The following LRRC14 variants were observed in gnomAD, a reference collection of about 807,000 sequenced individuals.
LRRC14 encodes the protein leucine-rich repeat-containing protein 14.
Under a neutral mutation model 25.3 loss-of-function variants are expected in LRRC14, and 16 were observed. The observed-to-expected ratio is 0.63, with a 90% CI of 0.43 to 0.96. LRRC14 has a LOEUF of 0.96. LRRC14 is among the 40% of genes least tolerant of loss of function. The pLI, the probability that LRRC14 is intolerant of heterozygous loss-of-function variation, is 0.00. For synonymous variants in LRRC14, 359 were observed against 295.1 expected (o/e 1.22, Z -2.22); for missense variants, 594 against 660.5 (o/e 0.90, Z 1.10).
Position 144,524,797 on chromosome 8 carries a change from A to G in LRRC14, c.*3319A>G. ...CCCTGGGGGCACCCCGTCCTCCCGC[A>G]GCTCCACACGGTGCCCACCTGCGTC... On this transcript the variant is annotated 3_prime_UTR_variant, in exon 4 of 4. Coordinates refer to ENST00000292524, the MANE Select transcript of LRRC14 (RefSeq NM_014665.4). The G allele has an allele frequency of 2.8e-6, 4 of 1,441,078 alleles. No individual in the cohort carries two copies. The highest frequency in any genetic ancestry group is 1.5e-5 in the African/African-American group (1 of 68,048). The allele number at this position is 1,441,078 out of a possible 1,614,324, so 89.3% of individuals were successfully genotyped here.
chr8:144,524,609 C>A lies in LRRC14; in HGVS notation c.*3131C>A, dbSNP rs760858349. 3.3e-6 allele frequency: 5 copies of A among 1,525,212 alleles called. No homozygotes were observed. In the African/African-American group the frequency reaches 7.0e-5, roughly 21 times the overall value. 94.5% of individuals were successfully genotyped at this position (1,525,212 alleles called of 1,614,324 possible). A position where few individuals can be genotyped will look rare whatever the true frequency, so the allele number is the denominator to read the frequency against. On this transcript the variant is annotated 3_prime_UTR_variant, in exon 4 of 4. Transcript: ENST00000292524. ...GCGGCTGCGCGCGGAAGGCGCCGGCCTCCAGGGCGCGCAGGCTGTTGTTGT... is the reference window on the plus strand; with the variant it reads ...GCGGCTGCGCGCGGAAGGCGCCGGCATCCAGGGCGCGCAGGCTGTTGTTGT...
chr8:144,519,809 C>T lies in LRRC14; in HGVS notation c.84C>T (p.Arg28=), dbSNP rs548634750. 5.3e-5 allele frequency: 86 copies of T among 1,613,274 alleles called. No individual in the cohort carries two copies. The highest frequency in any genetic ancestry group is 6.6e-5 in the Non-Finnish European group (78 of 1,179,952). The change falls in exon 2 of 4, where the codon CGC becomes CGT. Residue 28 remains arginine (R), a synonymous_variant. Coordinates refer to ENST00000292524, the MANE Select transcript of LRRC14 (RefSeq NM_014665.4). ...AACQALPLLP[R]ELFPLLFKVA... is the part of the protein sequence containing the mutation. The stretch of plus-strand genomic sequence containing the variant: ...GCCAGGCCCTGCCCTTGCTGCCACG[C>T]GAACTCTTCCCCCTGCTGTTCAAGG...
chr8:144,524,850 C>A lies in LRRC14; in HGVS notation c.*3372C>A. 6.7e-7 allele frequency: 1 copy of A among 1,487,826 alleles called. No individual in the cohort carries two copies. The highest frequency in any genetic ancestry group is 2.3e-4 in the Middle Eastern group (1 of 4,396). 92.2% of individuals were successfully genotyped at this position (1,487,826 alleles called of 1,614,324 possible). On this transcript the variant is annotated 3_prime_UTR_variant, in exon 4 of 4. Coordinates refer to ENST00000292524, the MANE Select transcript of LRRC14 (RefSeq NM_014665.4). ...TGGCGGGATTCCCAGCGGGACGACG[C>A]GCAACCGCAGGGCGCCACACTCCAC... is the stretch of plus-strand genomic sequence containing the variant.
At position 144,522,747 on chromosome 8, in the gene LRRC14, T is replaced by G; in HGVS notation, c.*1269T>G. ...CGCCTGCGGCGCCGGCGACAGATCATGGCGACCAGGAGCAGCGCCGTGAGC... is the reference window on the plus strand; with the variant it reads ...CGCCTGCGGCGCCGGCGACAGATCAGGGCGACCAGGAGCAGCGCCGTGAGC... On this transcript the variant is annotated 3_prime_UTR_variant, in exon 4 of 4. Coordinates refer to ENST00000292524, the MANE Select transcript of LRRC14 (RefSeq NM_014665.4). 6.3e-7 allele frequency: 1 copy of G among 1,587,418 alleles called. No individual in the cohort carries two copies.
Position 144,522,997 on chromosome 8 carries a change from G to A in LRRC14, c.*1519G>A. Reference sequence around the variant, plus strand: ...TGGAGGCCTCGCACTCGTACTTACCGGCGTGCGCCAGCGTGATGTTGCTGA... The same window carrying A: ...TGGAGGCCTCGCACTCGTACTTACCAGCGTGCGCCAGCGTGATGTTGCTGA... On this transcript the variant is annotated 3_prime_UTR_variant, in exon 4 of 4. Transcript: ENST00000292524. The A allele has an allele frequency of 6.3e-7, 1 of 1,595,832 alleles. No individual in the cohort carries two copies.
At chr8:144,520,203 C>T in intron 2 of LRRC14, 35 bp from the exon 3 acceptor site, 5 of 1,595,362 alleles carry the variant, frequency 3.1e-6, no homozygotes, top group Non-Finnish European at 4.3e-6. Context: ...GGGCGCTGCC[C>T]CTCCACCCCT....
chr8:144,523,844 C>A lies in LRRC14; in HGVS notation c.*2366C>A, dbSNP rs768445170. 27 of 489,362 alleles carry A rather than the reference C, an allele frequency of 5.5e-5. No individual in the cohort carries two copies. Among genetic ancestry groups the A allele is most frequent in the Non-Finnish European group, 9.4e-5 (26 of 277,836 alleles). 30.3% of individuals were successfully genotyped at this position (489,362 alleles called of 1,614,324 possible). ...CTCTCTCCTTTGCAATTTTGTCTGCCTCCCCTCAGCCTAAAAGTGTGCAGA... is the reference window on the plus strand; with the variant it reads ...CTCTCTCCTTTGCAATTTTGTCTGCATCCCCTCAGCCTAAAAGTGTGCAGA... On this transcript the variant is annotated 3_prime_UTR_variant, in exon 4 of 4. Transcript: ENST00000292524.
At position 144,520,440 on chromosome 8, in the gene LRRC14, T is replaced by A. The variant is rs1376929857; in HGVS notation, c.532T>A (p.Tyr178Asn). 2 of 1,598,858 alleles carry A rather than the reference T, an allele frequency of 1.3e-6. No homozygotes were observed. The highest frequency in any genetic ancestry group is 1.7e-6 in the Non-Finnish European group (2 of 1,175,474). Reference protein sequence around the residue: ...RVDLRVNRASYAFLREALRSS... With the variant: ...RVDLRVNRASNAFLREALRSS... ...GGACCTGCGGGTGAACCGGGCCTCC[T>A]ATGCGTTCCTGCGGGAGGCACTCCG... The change falls in exon 3 of 4, where the codon TAT becomes AAT. Residue 178 changes from tyrosine to asparagine, a missense_variant. Tyr to Asn is a moderately radical substitution (Grantham distance 143, BLOSUM62 -2). Coordinates refer to ENST00000292524, the MANE Select transcript of LRRC14 (RefSeq NM_014665.4).
chr8:144,520,988 G>T lies in LRRC14; in HGVS notation c.992G>T (p.Arg331Leu). The change falls in exon 4 of 4, where the codon CGG (arginine) becomes CTG (leucine). Residue 331 changes from arginine (R) to leucine (L), a missense_variant. Arg to Leu is a moderately radical substitution (Grantham distance 102). Transcript: ENST00000292524. The stretch of plus-strand genomic sequence containing the variant: ...CCTGAGGACCTACGCTTCCTGGCAC[G>T]GAGCCCACATGCTGCCCACCTCAAG... ...LLPEDLRFLA[R>L]SPHAAHLKKL... 1 of 1,613,148 alleles carries T rather than the reference G, an allele frequency of 6.2e-7. No individual in the cohort carries two copies. The highest frequency in any genetic ancestry group is 8.5e-7 in the Non-Finnish European group (1 of 1,180,040).
At chr8:144,518,428 A>T (rs933048963) in intron 1 of LRRC14, 12 of 151,662 alleles carry the variant, frequency 7.9e-5, no homozygotes, top group African/African-American at 2.7e-4. Flanking sequence ...GCGGGAGGGG[A>T]GGGGGCGTCG....
At position 144,522,646 on chromosome 8, in the gene LRRC14, T is replaced by A; in HGVS notation, c.*1168T>A. ...GCTCGTCGCGGAGCTCCTCTAGCTGTGCGAACGTACAGGGGCCGTCCAAGT... is the reference window on the plus strand; with the variant it reads ...GCTCGTCGCGGAGCTCCTCTAGCTGAGCGAACGTACAGGGGCCGTCCAAGT... On this transcript the variant is annotated 3_prime_UTR_variant, in exon 4 of 4. Coordinates refer to ENST00000292524, the MANE Select transcript of LRRC14 (RefSeq NM_014665.4). 3 of 1,586,152 alleles carry A rather than the reference T, an allele frequency of 1.9e-6. No individual in the cohort carries two copies. Among genetic ancestry groups the A allele is most frequent in the Non-Finnish European group, 2.6e-6 (3 of 1,168,248 alleles).
In LRRC14 at chr8:144,523,589, A is replaced by C. The variant is rs1586855057; in HGVS notation, c.*2111A>C. On this transcript the variant is annotated 3_prime_UTR_variant, in exon 4 of 4. Transcript: ENST00000292524. The stretch of plus-strand genomic sequence containing the variant: ...AGCTCCTTGGGGCGGCAGGCCCTTC[A>C]CCCTCGCCCCCCTCCCCTTTAGCTC... 4.2e-6 allele frequency: 4 copies of C among 944,422 alleles called. No individual in the cohort carries two copies. The highest frequency in any genetic ancestry group is 4.3e-6 in the Non-Finnish European group (3 of 698,890). The allele number at this position is 944,422 out of a possible 1,614,324, so 58.5% of individuals were successfully genotyped here.
At position 144,522,725 on chromosome 8, in the gene LRRC14, C is replaced by A; in HGVS notation, c.*1247C>A. The A allele has an allele frequency of 1.9e-6, 3 of 1,593,946 alleles. No individual in the cohort carries two copies. Among genetic ancestry groups the A allele is most frequent in the East Asian group, 2.3e-5 (1 of 43,450 alleles). On this transcript the variant is annotated 3_prime_UTR_variant, in exon 4 of 4. Coordinates refer to ENST00000292524, the MANE Select transcript of LRRC14 (RefSeq NM_014665.4). ...CGGAGGCCCCCGCGCCTTTTTTCGC[C>A]TGCGGCGCCGGCGACAGATCATGGC...
Position 144,518,028 on chromosome 8 carries a change from C to G in LRRC14, c.-125C>G. 6.3e-6 allele frequency: 1 copy of G among 158,392 alleles called. No individual in the cohort carries two copies. The highest frequency in any genetic ancestry group is 1.4e-5 in the Non-Finnish European group (1 of 73,746). The allele number at this position is 158,392 out of a possible 1,614,324, so 9.8% of individuals were successfully genotyped here. On this transcript the variant is annotated 5_prime_UTR_variant, in exon 1 of 4. Transcript: ENST00000292524. The stretch of plus-strand genomic sequence containing the variant: ...TAGGCGGGGCTGGAGGCGGTGGCTG[C>G]GGTTGCGGGACCGGTGAGCGCGGGC...
At chr8:144,518,384 A>C (rs1487106016) in intron 1 of LRRC14, 1 of 152,184 alleles carries the variant, frequency 6.6e-6, no homozygotes, top group East Asian at 1.9e-4. Flanking sequence ...CGCGAAACGC[A>C]GGCGACCGAG....
At position 144,520,268 on chromosome 8, in the gene LRRC14, G is replaced by A. The variant is rs770166894; in HGVS notation, c.360G>A (p.Thr120=). ...ATGCGCTGCGGGTGCTGGACATGAC[G>A]GGCCTCTTGGATGATGGTGTGGAAC... is the stretch of plus-strand genomic sequence containing the variant. ...RKHALRVLDM[T]GLLDDGVEQD... The change falls in exon 3 of 4, where the codon ACG becomes ACA. Residue 120 remains threonine (T), a synonymous_variant. Transcript: ENST00000292524. The A allele has an allele frequency of 7.5e-6, 12 of 1,610,714 alleles. No individual in the cohort carries two copies. The East Asian group carries it at 1.6e-4, about 21-fold the overall frequency.
chr8:144,519,834 G>T lies in LRRC14; in HGVS notation c.109G>T (p.Val37Leu). ...PRELFPLLFK[V>L]AFMDKKTVVL... ...CGAACTCTTCCCCCTGCTGTTCAAG[G>T]TGGCCTTCATGGACAAGAAGACAGT... The change falls in exon 2 of 4, where the codon GTG (valine) becomes TTG (leucine). Residue 37 changes from valine (V) to leucine (L), a missense_variant. Physicochemically the swap from Val to Leu is conservative, Grantham distance 32. Coordinates refer to ENST00000292524, the MANE Select transcript of LRRC14 (RefSeq NM_014665.4). 6.2e-7 allele frequency: 1 copy of T among 1,613,532 alleles called. No homozygotes were observed. The highest frequency in any genetic ancestry group is 8.5e-7 in the Non-Finnish European group (1 of 1,180,022).
Position 144,524,213 on chromosome 8 carries a change from C to A in LRRC14, c.*2735C>A, listed in dbSNP as rs986329155. On this transcript the variant is annotated 3_prime_UTR_variant, in exon 4 of 4. Coordinates refer to ENST00000292524, the MANE Select transcript of LRRC14 (RefSeq NM_014665.4). ...GGTCCAGCAGTGCTAGGGAGGACAGCCCCGCTAGAGCCTGGTCCTCCAGCA... is the reference window on the plus strand; with the variant it reads ...GGTCCAGCAGTGCTAGGGAGGACAGACCCGCTAGAGCCTGGTCCTCCAGCA... 6.2e-7 allele frequency: 1 copy of A among 1,612,514 alleles called. No homozygotes were observed. The highest frequency in any genetic ancestry group is 1.3e-5 in the African/African-American group (1 of 74,940).
In LRRC14 at chr8:144,520,574, G is replaced by C. The variant is rs761605285; in HGVS notation, c.666G>C (p.Leu222=). ...ALLQLLDAGC[L]RRVDLRFNNL... ...TGCAGCTTCTGGATGCAGGCTGCCT[G>C]CGCCGCGTGGACCTGCGCTTCAACA... Residue 222 remains leucine (L), a synonymous_variant, in exon 3 of 4, where the codon CTG becomes CTC. Coordinates refer to ENST00000292524, the MANE Select transcript of LRRC14 (RefSeq NM_014665.4). The C allele has an allele frequency of 3.1e-6, 5 of 1,600,346 alleles. No homozygotes were observed. Among genetic ancestry groups the C allele is most frequent in the Non-Finnish European group, 4.2e-6 (5 of 1,179,906 alleles).
Sources: allele counts gnomAD v4.1 joint callset, GRCh38; gene constraint gnomAD v4.1.1; transcripts MANE v1.5; gene names NCBI Gene and HGNC (gene_info 2026-07-23, HGNC 2026-07-21).